The following NLK variants were observed in gnomAD, a reference collection of about 807,000 sequenced individuals.
NLK encodes the protein nemo like kinase.
A neutral mutation model predicts 59.0 loss-of-function variants in NLK; 11 were observed. The observed-to-expected ratio is 0.19, with a 90% CI of 0.12 to 0.31. NLK has a LOEUF of 0.31. NLK is among the 10% of genes least tolerant of loss of function. The probability of loss-of-function intolerance (pLI) is 1.00; values close to 1 mark genes in which losing one functional copy is unlikely to be tolerated. For missense variants in NLK, 410 were observed against 661.1 expected (o/e 0.62, Z 4.16); for synonymous variants, 235 against 235.9 (o/e 1.00, Z 0.03).
chr17:28,051,898 C>T lies in NLK; in HGVS notation c.458+8567C>T, dbSNP rs553085557. On this transcript the variant is annotated intron_variant, in intron 1 of 10. Coordinates refer to ENST00000407008, the MANE Select transcript of NLK (RefSeq NM_016231.5). ...AGACAACTTTCTCTCTTCAGGACTA[C>T]AGTGTTGAATAGCTTCTAAAATTGT... 2.6e-5 allele frequency among the ~76,000 whole-genome samples: 4 copies of T among 152,210 alleles called. No individual in the cohort carries two copies. In the South Asian group the frequency reaches 8.3e-4, roughly 32 times the overall value.
chr17:28,069,558 T>C (rs1468744361), intron 1 of NLK, among the ~76,000 whole-genome samples: 1 of 152,212 alleles, frequency 6.6e-6, no homozygotes, highest in Non-Finnish European at 1.5e-5. Flanking sequence ...TTGATGGTCT[T>C]TGAATGTAGC....
the NLK span, among the ~76,000 whole-genome samples, chr17:28,203,200 C>CACACACAG: frequency 6.6e-6 from 1 of 150,962 alleles, no homozygotes; most frequent in African/African-American, 2.4e-5. Flanking sequence ...CACACACACA[C>CACACACAG]AGTCTCAGTC....
chr17:28,045,504 C>G (rs528489185), intron 1 of NLK, among the ~76,000 whole-genome samples: 6 of 152,024 alleles, frequency 3.9e-5, no homozygotes, highest in African/African-American at 1.5e-4. Flanking sequence ...TCACGTGATT[C>G]GGGTCTTTGT....
In NLK at chr17:28,142,528, A is replaced by T. The variant is rs143691211; in HGVS notation, c.644+9853A>T. Among the ~76,000 whole-genome samples, 353 of 152,300 alleles carry T rather than the reference A, an allele frequency of 2.3e-3. 3 individuals are homozygous for T. Among genetic ancestry groups the T allele is most frequent in the African/African-American group, 8.0e-3 (332 of 41,576 alleles). On this transcript the variant is annotated intron_variant, in intron 3 of 10. Transcript: ENST00000407008. ...AGATTTACGGCTGACCATTTGTTACAAGAGAACACAATGCTCTCTGTGACA... is the reference window on the plus strand; with the variant it reads ...AGATTTACGGCTGACCATTTGTTACTAGAGAACACAATGCTCTCTGTGACA...
intron 1 of NLK, among the ~76,000 whole-genome samples, chr17:28,060,410 A>G (rs1351682916): frequency 1.3e-5 from 2 of 152,140 alleles, no homozygotes; most frequent in African/African-American, 4.8e-5. Flanking sequence ...ATAAAAGTTA[A>G]TATCTTTAAT....
At chr17:28,156,422 T>C (rs1907726791) in intron 3 of NLK, among the ~76,000 whole-genome samples, 1 of 152,218 alleles carries the variant, frequency 6.6e-6, no homozygotes, top group Admixed American at 6.5e-5. Context: ...AATTCCTTAA[T>C]ATCTGTTGTC....
intron 2 of NLK, among the ~76,000 whole-genome samples, chr17:28,129,654 A>T (rs1448135599): frequency 1.3e-5 from 2 of 152,160 alleles, no homozygotes; most frequent in Non-Finnish European, 2.9e-5. Context: ...GTGGGAAAAG[A>T]GTAGCTCCTT....
intron 1 of NLK, among the ~76,000 whole-genome samples, chr17:28,122,105 C>T (rs1405051683): frequency 6.6e-6 from 1 of 152,146 alleles, no homozygotes; most frequent in Non-Finnish European, 1.5e-5. Flanking sequence ...TCAACTGCTG[C>T]TTATATTGAA....
chr17:28,165,020 G>A (rs1197133060), intron 5 of NLK, among the ~76,000 whole-genome samples: 3 of 151,932 alleles, frequency 2.0e-5, no homozygotes, highest in Non-Finnish European at 4.4e-5. Flanking sequence ...CCTAAAAATA[G>A]CTGATGTTGT....
Position 28,194,906 on chromosome 17 carries a change from C to A in NLK, c.*270C>A, listed in dbSNP as rs1909430267. On this transcript the variant is annotated 3_prime_UTR_variant, in exon 11 of 11. Coordinates refer to ENST00000407008, the MANE Select transcript of NLK (RefSeq NM_016231.5). ...GCAGCTGTTATGGCTCACCTCAGAA[C>A]AAAAGAGAATTGAACCAAATTTGGG... The A allele has an allele frequency of 3.2e-6, 1 of 312,172 alleles. No homozygotes were observed. The highest frequency in any genetic ancestry group is 5.8e-6 in the Non-Finnish European group (1 of 170,980). 19.3% of individuals were successfully genotyped at this position (312,172 alleles called of 1,614,324 possible). A position where few individuals can be genotyped will look rare whatever the true frequency, so the allele number is the denominator to read the frequency against.
the NLK span, among the ~76,000 whole-genome samples, chr17:28,202,533 T>C: frequency 1.3e-5 from 2 of 151,968 alleles, no homozygotes; most frequent in East Asian, 1.9e-4. Context: ...TCATGAGAGA[T>C]ATTGATCTGT....
intron 1 of NLK, among the ~76,000 whole-genome samples, chr17:28,087,531 A>G (rs1910555681): frequency 6.6e-6 from 1 of 152,224 alleles, no homozygotes; most frequent in South Asian, 2.1e-4. Context: ...TATTTCAGCT[A>G]ATGGAAATAG....
intron 3 of NLK, 113 bp from the exon 4 acceptor site, chr17:28,161,047 T>G: frequency 1.6e-6 from 1 of 635,372 alleles, no homozygotes; most frequent in Non-Finnish European, 2.8e-6. Context: ...CTAGAAGCTT[T>G]CTTTCCCCAC....
At chr17:28,194,351 A>T (rs971054335) in intron 10 of NLK, among the ~76,000 whole-genome samples, 51 of 152,244 alleles carry the variant, frequency 3.3e-4, no homozygotes, top group African/African-American at 1.2e-3. Flanking sequence ...CAACTAGTAA[A>T]TGACATGTGG....
At position 28,128,021 on chromosome 17, in the gene NLK, G is replaced by A. The variant is rs1174871245; in HGVS notation, c.589-4599G>A. Among the ~76,000 whole-genome samples, 3 of 151,986 alleles carry A rather than the reference G, an allele frequency of 2.0e-5. No individual in the cohort carries two copies. In the East Asian group the frequency reaches 5.8e-4, roughly 29 times the overall value. ...TGCCACTATAATCCAGTCGGGAATG[G>A]ATGACCATTTCAATAAACAGTTCTG... On this transcript the variant is annotated intron_variant, in intron 2 of 10. Transcript: ENST00000407008.
intron 3 of NLK, among the ~76,000 whole-genome samples, chr17:28,142,629 C>T (rs1264306027): frequency 6.6e-5 from 10 of 152,110 alleles, no homozygotes; most frequent in South Asian, 2.1e-4. Flanking sequence ...TCATTATCCA[C>T]GCTATTCAAT....
Position 28,061,877 on chromosome 17 carries a change from T to C in NLK, c.458+18546T>C, listed in dbSNP as rs555976724. 2.3e-3 allele frequency: 334 copies of C among 145,160 alleles called. 3 individuals are homozygous for C. Among genetic ancestry groups the C allele is most frequent in the African/African-American group, 7.9e-3 (315 of 39,752 alleles). The allele number at this position is 145,160 out of a possible 1,614,324, so 9.0% of individuals were successfully genotyped here. On this transcript the variant is annotated intron_variant, in intron 1 of 10. Transcript: ENST00000407008. Reference sequence around the variant, plus strand: ...TATAATATATACATATACATATATATAATATATACATATATACATATACAT... The same window carrying C: ...TATAATATATACATATACATATATACAATATATACATATATACATATACAT...
At chr17:28,101,775 T>G (rs1191863076) in intron 1 of NLK, among the ~76,000 whole-genome samples, 1 of 152,210 alleles carries the variant, frequency 6.6e-6, no homozygotes, top group Non-Finnish European at 1.5e-5. Flanking sequence ...GCCATTTATT[T>G]ATTTACTTGT....
chr17:28,198,014 C>T (rs942755717), downstream of NLK, among the ~76,000 whole-genome samples: 6 of 152,152 alleles, frequency 3.9e-5, no homozygotes, highest in Non-Finnish European at 8.8e-5. Context: ...ACTAAGCAAA[C>T]ACAGATTGCA....
Sources: allele counts gnomAD v4.1 joint callset (sites outside exome capture counted in the v4.1 genomes callset), GRCh38; gene constraint gnomAD v4.1.1; transcripts MANE v1.5; gene names NCBI Gene and HGNC (gene_info 2026-07-23, HGNC 2026-07-21).